Variants in ADAMTS20 observed in about 807,000 individuals in gnomAD.
ADAMTS20 encodes A disintegrin and metalloproteinase with thrombospondin motifs 20.
A neutral mutation model predicts 260.1 loss-of-function variants in ADAMTS20; 225 were observed. That is an observed-to-expected ratio of 0.87 (90% CI 0.78 to 0.97). The LOEUF (loss-of-function observed/expected upper bound fraction) is 0.97. Ranked by LOEUF, ADAMTS20 falls within the 50% of genes least tolerant of loss-of-function variation. The pLI is 0.00. For synonymous variants in ADAMTS20, 802 were observed against 769.5 expected, an observed-to-expected ratio of 1.04 and a Z score of -0.70; for missense variants, 2,400 against 2,337.7, an observed-to-expected ratio of 1.03 and a Z score of -0.55.
chr12:43,405,916 A>C (rs1446231257), intron 28 of ADAMTS20, among the ~76,000 whole-genome samples: 1 of 152,222 alleles, frequency 6.6e-6, no homozygotes, highest in Non-Finnish European at 1.5e-5. Context: ...TATTATGTCT[A>C]TCCTATTGCT....
intron 29 of ADAMTS20, among the ~76,000 whole-genome samples, chr12:43,398,352 G>T (rs1339082307): frequency 6.6e-6 from 1 of 152,148 alleles, no homozygotes; most frequent in Non-Finnish European, 1.5e-5. Flanking sequence ...ATGCCAAGTG[G>T]TATCAATTAC....
intron 3 of ADAMTS20, among the ~76,000 whole-genome samples, chr12:43,528,347 GCA>G (rs1943171379): frequency 2.2e-3 from 5 of 2,308 alleles, no homozygotes; most frequent in Middle Eastern, 0.25. Context: ...GCAATCCTAA[GCA>G]AAAAAAAAAA....
At chr12:43,529,355 A>G (rs541880682) in intron 3 of ADAMTS20, among the ~76,000 whole-genome samples, 1 of 152,306 alleles carries the variant, frequency 6.6e-6, no homozygotes, top group African/African-American at 2.4e-5. Context: ...ATGCACACAT[A>G]TGTTTATTGC....
At chr12:43,477,490 A>C (rs980873331) in intron 7 of ADAMTS20, among the ~76,000 whole-genome samples, 3 of 152,170 alleles carry the variant, frequency 2.0e-5, no homozygotes, top group African/African-American at 7.2e-5. Flanking sequence ...ACAAGTGTGG[A>C]AGACTGGCAT....
chr12:43,378,215 T>C (rs1940272675), intron 31 of ADAMTS20, among the ~76,000 whole-genome samples: 2 of 152,172 alleles, frequency 1.3e-5, no homozygotes, highest in Non-Finnish European at 2.9e-5. Flanking sequence ...CCATGACAGA[T>C]GAGAAACAAA....
At chr12:43,421,352 A>G (rs1463091400) in intron 28 of ADAMTS20, among the ~76,000 whole-genome samples, 1 of 151,714 alleles carries the variant, frequency 6.6e-6, no homozygotes, top group Non-Finnish European at 1.5e-5. Context: ...AAGGAAAAAA[A>G]TATATATTCT....
intron 28 of ADAMTS20, among the ~76,000 whole-genome samples, chr12:43,400,879 C>A (rs989367224): frequency 2.0e-5 from 3 of 151,866 alleles, no homozygotes; most frequent in African/African-American, 7.2e-5. Context: ...CCTCTGCTAG[C>A]CACTTTATTA....
intron 28 of ADAMTS20, among the ~76,000 whole-genome samples, chr12:43,416,613 T>G (rs1283527941): frequency 1.4e-5 from 2 of 147,642 alleles, no homozygotes; most frequent in Non-Finnish European, 3.0e-5. Context: ...AAGCTCCGCC[T>G]CCCAGGTTCA....
At position 43,431,324 on chromosome 12, in the gene ADAMTS20, A is replaced by G. The variant is rs371682480; in HGVS notation, c.3261+8T>C. 2.0e-5 allele frequency: 33 copies of G among 1,612,968 alleles called. No homozygotes were observed. Among genetic ancestry groups the G allele is most frequent in the Admixed American group, 3.3e-5 (2 of 59,834 alleles). ...ATCAAATTAGAAAAACCCATATCAT[A>G]TACTCACAGGACCCCATGGTCCTAC... On this transcript the variant is annotated splice_region_variant and intron_variant, in intron 22 of 38. Transcript: ENST00000389420.
intron 3 of ADAMTS20, among the ~76,000 whole-genome samples, chr12:43,527,509 A>G (rs570106553): frequency 6.6e-6 from 1 of 152,222 alleles, no homozygotes; most frequent in Non-Finnish European, 1.5e-5. Flanking sequence ...AGAGTGTTTC[A>G]TCCAAGGATC....
intron 4 of ADAMTS20, among the ~76,000 whole-genome samples, chr12:43,494,987 C>T (rs1339177905): frequency 1.3e-5 from 2 of 152,066 alleles, no homozygotes; most frequent in Non-Finnish European, 2.9e-5. Flanking sequence ...CAGTGGTCCA[C>T]AGAAAAAAGA....
intron 31 of ADAMTS20, 130 bp downstream of exon 31, chr12:43,383,428 C>T (rs1940396630): frequency 7.9e-6 from 7 of 885,714 alleles, no homozygotes; most frequent in Non-Finnish European, 1.7e-6. Flanking sequence ...GGTCTCATTC[C>T]TTAGATTGAT....
intron 36 of ADAMTS20, among the ~76,000 whole-genome samples, chr12:43,373,840 C>T (rs893062129): frequency 1.3e-5 from 2 of 151,202 alleles, no homozygotes; most frequent in South Asian, 2.1e-4. Flanking sequence ...CCACTACGCC[C>T]GGCTAATTTT....
intron 7 of ADAMTS20, among the ~76,000 whole-genome samples, chr12:43,480,248 A>G (rs1942421071): frequency 6.6e-6 from 1 of 152,164 alleles, no homozygotes. Context: ...ACTAAAAGAG[A>G]GGAAAATTAC....
At position 43,364,522 on chromosome 12, in the gene ADAMTS20, G is replaced by T. The variant is rs146631322; in HGVS notation, c.5538+4768C>A. Among the ~76,000 whole-genome samples the T allele has an allele frequency of 6.5e-4, 99 of 152,166 alleles. No individual in the cohort carries two copies. In the East Asian group the frequency reaches 0.016, roughly 24 times the overall value. ...AATAGAGAATAACAATAAAGATGAA[G>T]ATATCATATTTTACAAAGAGTCAAA... On this transcript the variant is annotated intron_variant, in intron 37 of 38. Transcript: ENST00000389420.
chr12:43,525,148 A>G (rs1565582078), intron 3 of ADAMTS20, among the ~76,000 whole-genome samples: 1 of 152,218 alleles, frequency 6.6e-6, no homozygotes, highest in Non-Finnish European at 1.5e-5. Flanking sequence ...CTGGGAACCT[A>G]TAAAGGAAAT....
intron 28 of ADAMTS20, among the ~76,000 whole-genome samples, chr12:43,407,035 A>T (rs1420022588): frequency 1.3e-5 from 2 of 152,028 alleles, no homozygotes; most frequent in African/African-American, 4.8e-5. Flanking sequence ...TAATACTTAC[A>T]GTTTTAAAGT....
chr12:43,434,213 T>C, intron 19 of ADAMTS20, 32 bp downstream of exon 19: 1 of 1,538,582 alleles, frequency 6.5e-7, no homozygotes, highest in Non-Finnish European at 8.8e-7. Flanking sequence ...CACTTATTAA[T>C]CTGGTTATAT....
At chr12:43,357,868 G>A (rs1939778074) in intron 37 of ADAMTS20, among the ~76,000 whole-genome samples, 1 of 152,114 alleles carries the variant, frequency 6.6e-6, no homozygotes, top group African/African-American at 2.4e-5. Flanking sequence ...TTCAGACTCT[G>A]ATAATGAATG....
Sources: gnomAD v4.1 joint callset for allele counts (sites outside exome capture counted in the v4.1 genomes callset) on GRCh38, gnomAD v4.1.1 for gene constraint, MANE v1.5 for transcripts, NCBI Gene and HGNC (gene_info 2026-07-23, HGNC 2026-07-21) for gene names.